The following ETAA1 variants were observed in gnomAD, a reference collection of about 807,000 sequenced individuals.
ETAA1 encodes the protein ewing's tumor-associated antigen 1.
ETAA1 carries 49 observed loss-of-function variants against 76.8 expected under a neutral mutation model. That is an observed-to-expected ratio of 0.64 (90% CI 0.51 to 0.81). ETAA1 has a LOEUF of 0.81. Among genes scored for constraint, ETAA1 ranks in the 30% least tolerant of loss-of-function variants. ETAA1 has a pLI of 0.00. For synonymous variants in ETAA1, 373 were observed against 372.2 expected (o/e 1.00, Z -0.03); for missense variants, 1,099 against 1,074.0 (o/e 1.02, Z -0.32).
rs747397227 is a variant in ETAA1 at position 67,404,431 on chromosome 2, C to G, written c.1749C>G (p.Pro583=). 1.9e-6 allele frequency: 3 copies of G among 1,613,096 alleles called. No individual in the cohort carries two copies. The African/African-American group carries it at 4.0e-5, about 22-fold the overall frequency. The change falls in exon 5 of 6, where the codon CCC becomes CCG. Residue 583 remains proline (P), a synonymous_variant. Coordinates refer to ENST00000272342, the MANE Select transcript of ETAA1 (RefSeq NM_019002.4). ...VGSFFDDWND[P]SFANEIIKAC... ...CTTTCTTTGATGATTGGAATGATCC[C>G]TCATTTGCCAATGAAATTATTAAAG...
intron 5 of ETAA1, 117 bp downstream of exon 5, chr2:67,405,452 T>A: frequency 1.4e-6 from 1 of 696,804 alleles, no homozygotes; most frequent in Non-Finnish European, 2.2e-6. Flanking sequence ...TATGACTAGT[T>A]AATTTTAAGA....
Position 67,397,665 on chromosome 2 carries a change from C to G in ETAA1, c.217C>G (p.Pro73Ala). The G allele has an allele frequency of 6.5e-7, 1 of 1,546,228 alleles. No homozygotes were observed. The highest frequency in any genetic ancestry group is 8.7e-7 in the Non-Finnish European group (1 of 1,146,534). Residue 73 changes from proline to alanine, a missense_variant, in exon 1 of 6, where the codon CCC (proline) becomes GCC (alanine). Physicochemically the swap from Pro to Ala is conservative, Grantham distance 27. Around this residue, in one of 3 missense-constraint regions of ETAA1, gnomAD observed 761 missense variants for 731.9 expected, o/e 1.04. Coordinates refer to ENST00000272342, the MANE Select transcript of ETAA1 (RefSeq NM_019002.4). ...CGCCGCCCTGTGCAGTAAAAGTAAC[C>G]CCGAGGGTGAGACGTCGGCAGCGCG... Reference protein sequence around the residue: ...PTAALCSKSNPEERYETPKRA... With the variant: ...PTAALCSKSNAEERYETPKRA...
In ETAA1 at chr2:67,404,866, A is replaced by G; in HGVS notation, c.2184A>G (p.Pro728=). 6.2e-7 allele frequency: 1 copy of G among 1,613,020 alleles called. No homozygotes were observed. The highest frequency in any genetic ancestry group is 8.5e-7 in the Non-Finnish European group (1 of 1,179,364). The part of the protein sequence containing the change: ...MEKGEMYGNS[P]RFLGATNLTM... ...AAGGGGAAATGTATGGAAATTCTCC[A>G]AGATTTTTAGGTGCCACAAATTTGA... Residue 728 remains proline (P), a synonymous_variant, in exon 5 of 6, where the codon CCA becomes CCG. Transcript: ENST00000272342.
In ETAA1 at chr2:67,399,556, G is replaced by T; in HGVS notation, c.359G>T (p.Gly120Val). 6.3e-7 allele frequency: 1 copy of T among 1,598,390 alleles called. No homozygotes were observed. Among genetic ancestry groups the T allele is most frequent in the South Asian group, 1.1e-5 (1 of 88,620 alleles). The change falls in exon 3 of 6, where the codon GGA becomes GTA. Residue 120 changes from glycine to valine, a missense_variant. Around this residue, in one of 3 missense-constraint regions of ETAA1, gnomAD observed 761 missense variants for 731.9 expected, o/e 1.04. Transcript: ENST00000272342. ...NSPLTKQLGK[G>V]RKKQIYTTDS... is the part of the protein sequence containing the mutation. ...AATGTCTTTGTTTCTTTAGGTAAAG[G>T]AAGAAAAAAACAGATTTACACCACA...
chr2:67,408,513 G>C (rs1676277758), intron 5 of ETAA1, among the ~76,000 whole-genome samples: 2 of 149,926 alleles, frequency 1.3e-5, no homozygotes, highest in African/African-American at 4.9e-5. Flanking sequence ...TAACATTCTT[G>C]CTTTCTGACT....
At chr2:67,399,718 T>C in intron 3 of ETAA1, 92 bp downstream of exon 3, 1 of 796,080 alleles carries the variant, frequency 1.3e-6, no homozygotes, top group South Asian at 2.2e-5. Flanking sequence ...GTATTGTCTA[T>C]TATAATTCTT....
Position 67,403,644 on chromosome 2 carries a change from A to G in ETAA1, c.962A>G (p.Glu321Gly), listed in dbSNP as rs761299354. The change falls in exon 5 of 6, where the codon GAG becomes GGG. Residue 321 changes from glutamate (E) to glycine (G), a missense_variant. Glu to Gly is a moderately conservative substitution (Grantham distance 98). This residue lies in a region of ETAA1 where 761 missense variants were observed against 731.9 expected (regional missense o/e 1.04). Coordinates refer to ENST00000272342, the MANE Select transcript of ETAA1 (RefSeq NM_019002.4). Reference protein sequence around the residue: ...TTFVKTNALKEEKIITNETLV... With the variant: ...TTFVKTNALKGEKIITNETLV... ...TTTGTAAAGACAAATGCTTTGAAAG[A>G]GGAGAAAATCATTACTAATGAAACT... 2.0e-5 allele frequency: 32 copies of G among 1,613,302 alleles called. No individual in the cohort carries two copies. Among genetic ancestry groups the G allele is most frequent in the Non-Finnish European group, 1.2e-5 (14 of 1,179,468 alleles).
At position 67,399,025 on chromosome 2, in the gene ETAA1, T is replaced by C. The variant is rs1275063682; in HGVS notation, c.224-144T>C. 1.0e-5 allele frequency: 7 copies of C among 698,292 alleles called. No homozygotes were observed. The African/African-American group carries it at 1.1e-4, about 11-fold the overall frequency. 43.3% of individuals were successfully genotyped at this position (698,292 alleles called of 1,614,324 possible). On this transcript the variant is annotated intron_variant, in intron 1 of 5. Transcript: ENST00000272342. ...GATTTTTATGTGAAACAAGCATTTC[T>C]GTTACGGTTCAGGTAATTATCTCTG... is the stretch of plus-strand genomic sequence containing the variant.
chr2:67,398,306 CTTTT>C (rs57636211), intron 1 of ETAA1, among the ~76,000 whole-genome samples: 1,102 of 85,386 alleles, frequency 0.013, 15 homozygotes, highest in African/African-American at 0.042. Flanking sequence ...TGAAATAGTG[CTTTT>C]TTTTTTTTTT....
chr2:67,404,078 A>T lies in ETAA1; in HGVS notation c.1396A>T (p.Asn466Tyr). 1 of 1,596,594 alleles carries T rather than the reference A, an allele frequency of 6.3e-7. No homozygotes were observed. The highest frequency in any genetic ancestry group is 2.2e-5 in the East Asian group (1 of 44,698). The change falls in exon 5 of 6, where the codon AAT becomes TAT. Residue 466 changes from asparagine to tyrosine, a missense_variant. By Grantham distance (143) the Asn-to-Tyr change is moderately radical. Transcript: ENST00000272342. ...AGATGCAGAATATAGATTTTCACCAAATTCAAATAAATCAAACAAATTATC... is the reference window on the plus strand; with the variant it reads ...AGATGCAGAATATAGATTTTCACCATATTCAAATAAATCAAACAAATTATC... ...LIDAEYRFSPNSNKSNKLSTG... is the reference protein window; with the variant it reads ...LIDAEYRFSPYSNKSNKLSTG...
intron 3 of ETAA1, among the ~76,000 whole-genome samples, 175 bp downstream of exon 3, chr2:67,399,801 GAATAT>G (rs1183273430): frequency 1.3e-5 from 2 of 152,110 alleles, no homozygotes; most frequent in South Asian, 2.1e-4. Flanking sequence ...TTGAAAAAAG[GAATAT>G]AATATAAAAT....
chr2:67,399,077 AAGTT>A, intron 1 of ETAA1, 88 bp from the exon 2 acceptor site: 1 of 1,130,720 alleles, frequency 8.8e-7, no homozygotes, highest in South Asian at 1.7e-5. Flanking sequence ...TGGACTATAA[AAGTT>A]AGTCTCAGCT....
chr2:67,397,613 A>G lies in ETAA1; in HGVS notation c.165A>G (p.Pro55=), dbSNP rs1308861039. ...GGGCTAGAGAGGGGCCTCCCGGGCC[A>G]GTGCGGCAGCGAGAGCAGCCTCCGA... ...PCGAREGPPG[P]VRQREQPPTA... Residue 55 remains proline (P), a synonymous_variant, in exon 1 of 6, where the codon CCA becomes CCG. Transcript: ENST00000272342. 1.9e-6 allele frequency: 3 copies of G among 1,549,020 alleles called. No individual in the cohort carries two copies. The highest frequency in any genetic ancestry group is 1.7e-6 in the Non-Finnish European group (2 of 1,147,140).
intron 5 of ETAA1, among the ~76,000 whole-genome samples, chr2:67,408,252 T>G (rs1676271509): frequency 6.6e-6 from 1 of 152,146 alleles, no homozygotes; most frequent in South Asian, 2.1e-4. Flanking sequence ...AACTATGATC[T>G]GTCCAAATCC....
At position 67,404,009 on chromosome 2, in the gene ETAA1, G is replaced by C. The variant is rs771948974; in HGVS notation, c.1327G>C (p.Val443Leu). 5.7e-5 allele frequency: 92 copies of C among 1,607,506 alleles called. No homozygotes were observed. The highest frequency in any genetic ancestry group is 7.7e-5 in the Non-Finnish European group (91 of 1,177,816). ...SPDARLGDSK[V>L]LQDLSSKTYD... is the part of the protein sequence containing the mutation. ...AGATGCCAGGTTAGGAGATTCAAAA[G>C]TATTACAAGATCTTTCTTCAAAGAC... Residue 443 changes from valine to leucine, a missense_variant, in exon 5 of 6, where the codon GTA becomes CTA. Val to Leu is a conservative substitution (Grantham distance 32). This residue lies in a region of ETAA1 where 761 missense variants were observed against 731.9 expected (regional missense o/e 1.04). Transcript: ENST00000272342.
rs772188135 is a variant in ETAA1 at position 67,403,706 on chromosome 2, T to A, written c.1024T>A (p.Ser342Thr). 1.2e-5 allele frequency: 19 copies of A among 1,613,310 alleles called. No homozygotes were observed. In the Admixed American group the frequency reaches 3.0e-4, roughly 25 times the overall value. Residue 342 changes from serine (S) to threonine (T), a missense_variant, in exon 5 of 6, where the codon TCA becomes ACA. Ser to Thr is a moderately conservative substitution (Grantham distance 58). Transcript: ENST00000272342. The part of the protein sequence containing the change: ...IEKLSNKTPR[S>T]LSSQVDTPIM... ...AAAACTGTCAAATAAAACCCCACGA[T>A]CACTTTCTTCTCAAGTAGATACACC...
rs762440832 is a variant in ETAA1 at position 67,404,744 on chromosome 2, A to G, written c.2062A>G (p.Asn688Asp). 2 of 1,613,358 alleles carry G rather than the reference A, an allele frequency of 1.2e-6. No individual in the cohort carries two copies. Among genetic ancestry groups the G allele is most frequent in the South Asian group, 2.2e-5 (2 of 91,070 alleles). Residue 688 changes from asparagine (N) to aspartate (D), a missense_variant, in exon 5 of 6, where the codon AAT becomes GAT. By Grantham distance (23) the Asn-to-Asp change is conservative. This residue lies in a region of ETAA1 where 302 missense variants were observed against 278.1 expected (regional missense o/e 1.09). Coordinates refer to ENST00000272342, the MANE Select transcript of ETAA1 (RefSeq NM_019002.4). The part of the protein sequence containing the change: ...NMFAISKQGS[N>D]LVQSKHLNPG... ...GTTTGCTATATCTAAACAAGGAAGT[A>G]ATTTGGTACAATCAAAGCATTTGAA...
chr2:67,402,903 T>A lies in ETAA1; in HGVS notation c.471T>A (p.Ile157=). ...CAAATTCTATGCTGGACATGTGGAT[T>A]GGTGAAACTGCTATTCCTTGTACTC... ...PTTNSMLDMW[I]GETAIPCTPS... Residue 157 remains isoleucine (I), a synonymous_variant, in exon 4 of 6, where the codon ATT becomes ATA. Coordinates refer to ENST00000272342, the MANE Select transcript of ETAA1 (RefSeq NM_019002.4). 1 of 1,605,290 alleles carries A rather than the reference T, an allele frequency of 6.2e-7. No homozygotes were observed. The highest frequency in any genetic ancestry group is 8.5e-7 in the Non-Finnish European group (1 of 1,175,766).
rs771037294 is a variant in ETAA1 at position 67,397,623 on chromosome 2, C to T, written c.175C>T (p.Arg59Ter). 1 of 1,547,704 alleles carries T rather than the reference C, an allele frequency of 6.5e-7. No individual in the cohort carries two copies. Among genetic ancestry groups the T allele is most frequent in the Non-Finnish European group, 8.7e-7 (1 of 1,146,620 alleles). Residue 59 changes from arginine to a stop codon, truncating the protein, a stop_gained, in exon 1 of 6, where the codon CGA becomes TGA. Coordinates refer to ENST00000272342, the MANE Select transcript of ETAA1 (RefSeq NM_019002.4). LOFTEE classifies it high-confidence loss of function. ...GGGGCCTCCCGGGCCAGTGCGGCAGCGAGAGCAGCCTCCGACCGCCGCCCT... is the reference window on the plus strand; with the variant it reads ...GGGGCCTCCCGGGCCAGTGCGGCAGTGAGAGCAGCCTCCGACCGCCGCCCT... ...REGPPGPVRQ[R>*]EQPPTAALCS...
Sources: gnomAD v4.1 joint callset for allele counts (sites outside exome capture counted in the v4.1 genomes callset) on GRCh38, gnomAD v4.1.1 for gene constraint, gnomAD v4.1.1 regional missense constraint, MANE v1.5 for transcripts, NCBI Gene and HGNC (gene_info 2026-07-23, HGNC 2026-07-21) for gene names.